The following DENND4C variants were observed in gnomAD, a reference collection of about 807,000 sequenced individuals.
DENND4C encodes the protein DENN domain containing 4C, also known as DENN domain-containing protein 4C.
A neutral mutation model predicts 203.0 loss-of-function variants in DENND4C; 108 were observed. The observed-to-expected ratio is 0.53, with a 90% CI of 0.46 to 0.62. The LOEUF (loss-of-function observed/expected upper bound fraction) is 0.62. DENND4C is among the 20% of genes least tolerant of loss of function. DENND4C has a pLI of 0.00. For synonymous variants in DENND4C, 871 were observed against 792.4 expected (o/e 1.10, Z -1.67); for missense variants, 2,481 against 2,301.2 (o/e 1.08, Z -1.60).
intron 1 of DENND4C, among the ~76,000 whole-genome samples, chr9:19,244,434 C>T (rs932271756): frequency 2.0e-5 from 3 of 151,910 alleles, no homozygotes; most frequent in Admixed American, 6.6e-5. Flanking sequence ...AGCTATATGT[C>T]TTGATTTTTA....
Position 19,326,088 on chromosome 9 carries a change from A to G in DENND4C, c.2014A>G (p.Thr672Ala), listed in dbSNP as rs1377739821. Residue 672 changes from threonine to alanine, a missense_variant, in exon 15 of 33, where the codon ACC becomes GCC. Physicochemically the swap from Thr to Ala is moderately conservative, Grantham distance 58. Around this residue, in one of 3 missense-constraint regions of DENND4C, gnomAD observed 2,289 missense variants for 2,113.3 expected, o/e 1.08. Coordinates refer to ENST00000434457, the MANE Select transcript of DENND4C (RefSeq NM_001330640.2). ...GGTTGATTTTGATTCAGCAGAAGAT[A>G]CCAGATTGATAGAACTAGATGATTC... ...DKVDFDSAED[T>A]RLIELDDSQK... 7 of 1,611,718 alleles carry G rather than the reference A, an allele frequency of 4.3e-6. No individual in the cohort carries two copies. Among genetic ancestry groups the G allele is most frequent in the African/African-American group, 4.0e-5 (3 of 74,800 alleles).
At chr9:19,293,964 C>G (rs927334862) in intron 5 of DENND4C, among the ~76,000 whole-genome samples, 2 of 152,144 alleles carry the variant, frequency 1.3e-5, no homozygotes, top group Non-Finnish European at 2.9e-5. Context: ...TTCGAAGTTT[C>G]TACCTTGGGA....
chr9:19,348,073 T>G (rs777015246), intron 23 of DENND4C, among the ~76,000 whole-genome samples: 41 of 152,238 alleles, frequency 2.7e-4, no homozygotes, highest in Non-Finnish European at 5.1e-4. Flanking sequence ...GCTCTCGTTA[T>G]TTAACAGTAT....
chr9:19,283,814 C>T (rs1424227999), intron 2 of DENND4C, among the ~76,000 whole-genome samples: 3 of 151,494 alleles, frequency 2.0e-5, no homozygotes, highest in East Asian at 1.9e-4. Context: ...AGGCTGGTTG[C>T]GAACTCCCAA....
chr9:19,260,696 C>G (rs1254912387), intron 1 of DENND4C, among the ~76,000 whole-genome samples: 1 of 152,174 alleles, frequency 6.6e-6, no homozygotes, highest in Admixed American at 6.6e-5. Flanking sequence ...CATGCTCGGC[C>G]TATGTTCTGG....
At chr9:19,365,349 A>G (rs1467679585) in intron 30 of DENND4C, among the ~76,000 whole-genome samples, 3 of 152,106 alleles carry the variant, frequency 2.0e-5, no homozygotes, top group Admixed American at 6.5e-5. Flanking sequence ...AAAATCCATC[A>G]CCCTTTGTTT....
chr9:19,236,010 A>G (rs1316012542), intron 1 of DENND4C, among the ~76,000 whole-genome samples: 3 of 146,114 alleles, frequency 2.1e-5, no homozygotes, highest in African/African-American at 7.6e-5. Flanking sequence ...TTTTTTTTTC[A>G]TTTTATTAGC....
rs749696824 is a variant in DENND4C at position 19,369,972 on chromosome 9, G to A, written c.5660G>A (p.Gly1887Asp). 6 of 1,613,258 alleles carry A rather than the reference G, an allele frequency of 3.7e-6. No individual in the cohort carries two copies. The highest frequency in any genetic ancestry group is 5.1e-6 in the Non-Finnish European group (6 of 1,179,768). The change falls in exon 31 of 33, where the codon GGC becomes GAC. Residue 1887 changes from glycine (G) to aspartate (D), a missense_variant. This residue lies in a region of DENND4C where 2,289 missense variants were observed against 2,113.3 expected (regional missense o/e 1.08). Transcript: ENST00000434457. ...INLLSQQMKP[G>D]MKRQRSLYRE... is the part of the protein sequence containing the mutation. ...CTACTTTCACAGCAAATGAAGCCAG[G>A]CATGAAAAGACAAAGGTAATAATCC...
chr9:19,245,221 C>T (rs1787700671), intron 1 of DENND4C, among the ~76,000 whole-genome samples: 1 of 151,896 alleles, frequency 6.6e-6, no homozygotes, highest in Non-Finnish European at 1.5e-5. Context: ...GTAATCCCAG[C>T]ACTTTGGGAG....
rs1228833224 is a variant in DENND4C at position 19,369,997 on chromosome 9, C to A, written c.5675+10C>A. On this transcript the variant is annotated intron_variant, in intron 31 of 32. Coordinates refer to ENST00000434457, the MANE Select transcript of DENND4C (RefSeq NM_001330640.2). The stretch of plus-strand genomic sequence containing the variant: ...GCATGAAAAGACAAAGGTAATAATC[C>A]AGTATTTTTTGCTTGCCACCACTCA... The A allele has an allele frequency of 9.9e-6, 16 of 1,611,592 alleles. No individual in the cohort carries two copies. The highest frequency in any genetic ancestry group is 1.4e-5 in the Non-Finnish European group (16 of 1,179,210).
At chr9:19,247,541 GC>G (rs537313046) in intron 1 of DENND4C, among the ~76,000 whole-genome samples, 3 of 152,166 alleles carry the variant, frequency 2.0e-5, no homozygotes, top group Non-Finnish European at 2.9e-5. Flanking sequence ...GACTTTAGGT[GC>G]ATACTACCAC....
rs574222597 is a variant in DENND4C at position 19,315,591 on chromosome 9, A to ATG, written c.1488-818_1488-817dup. Among the ~76,000 whole-genome samples the ATG allele has an allele frequency of 4.4e-3, 664 of 151,162 alleles. 5 individuals carry two copies. Among genetic ancestry groups the ATG allele is most frequent in the Non-Finnish European group, 8.0e-3 (542 of 67,844 alleles). On this transcript the variant is annotated intron_variant, in intron 10 of 32. Coordinates refer to ENST00000434457, the MANE Select transcript of DENND4C (RefSeq NM_001330640.2). ...TGTATATATACGTGTACATATATGT[A>ATG]TGTGTGTGTATATATATACACACAC...
At chr9:19,272,819 G>C (rs1832010754) in intron 1 of DENND4C, among the ~76,000 whole-genome samples, 1 of 152,026 alleles carries the variant, frequency 6.6e-6, no homozygotes, top group South Asian at 2.1e-4. Flanking sequence ...CCAGGTTGGA[G>C]CACAGTGGCG....
chr9:19,303,925 C>A (rs1839113816), intron 9 of DENND4C, among the ~76,000 whole-genome samples: 1 of 151,426 alleles, frequency 6.6e-6, no homozygotes, highest in Non-Finnish European at 1.5e-5. Flanking sequence ...GTTGTCCAGG[C>A]TGGCCTTGAA....
Position 19,325,958 on chromosome 9 carries a change from C to G in DENND4C, c.1973C>G (p.Thr658Arg). 1.9e-6 allele frequency: 3 copies of G among 1,608,600 alleles called. No individual in the cohort carries two copies. Among genetic ancestry groups the G allele is most frequent in the Non-Finnish European group, 2.5e-6 (3 of 1,177,716 alleles). Residue 658 changes from threonine (T) to arginine (R), a missense_variant, in exon 14 of 33, where the codon ACA (threonine) becomes AGA (arginine). Thr to Arg is a moderately conservative substitution (Grantham distance 71). Around this residue, in one of 3 missense-constraint regions of DENND4C, gnomAD observed 2,289 missense variants for 2,113.3 expected, o/e 1.08. Transcript: ENST00000434457. ...TTCTAGTTGTTTCCTGATAAAGGCACAGAGAAAACAGATAAGGTATGTTTT... is the reference window on the plus strand; with the variant it reads ...TTCTAGTTGTTTCCTGATAAAGGCAGAGAGAAAACAGATAAGGTATGTTTT... The part of the protein sequence containing the change: ...CIEKLFPDKG[T>R]EKTDKVDFDS...
intron 10 of DENND4C, among the ~76,000 whole-genome samples, chr9:19,315,591 ATGTG>A (rs574222597): frequency 1.3e-5 from 2 of 151,070 alleles, no homozygotes; most frequent in African/African-American, 2.4e-5. Flanking sequence ...ACATATATGT[ATGTG>A]TGTGTATATA....
chr9:19,317,844 C>G (rs542595202), intron 12 of DENND4C, among the ~76,000 whole-genome samples: 1 of 152,086 alleles, frequency 6.6e-6, no homozygotes, highest in Admixed American at 6.6e-5. Context: ...TCCAAATATT[C>G]CAGTATTTCA....
intron 12 of DENND4C, among the ~76,000 whole-genome samples, chr9:19,321,486 G>A (rs1260329694): frequency 6.6e-6 from 1 of 150,676 alleles, no homozygotes. Context: ...TTTTTGTTTT[G>A]TTTTGTTTTG....
At chr9:19,314,837 A>T (rs938663975) in intron 10 of DENND4C, among the ~76,000 whole-genome samples, 2 of 152,048 alleles carry the variant, frequency 1.3e-5, no homozygotes, top group South Asian at 4.1e-4. Context: ...TGACTTAGGT[A>T]AAGGGCTTAC....
Sources: allele counts gnomAD v4.1 joint callset (sites outside exome capture counted in the v4.1 genomes callset), GRCh38; gene constraint gnomAD v4.1.1; regional missense constraint gnomAD v4.1.1; transcripts MANE v1.5; gene names NCBI Gene and HGNC (gene_info 2026-07-23, HGNC 2026-07-21).